The following ACER3 variants were observed in gnomAD, a reference collection of about 807,000 sequenced individuals.
ACER3 encodes the protein alkaline ceramidase 3, also known as alkCDase 3.
Under a neutral mutation model 48.9 loss-of-function variants are expected in ACER3, and 16 were observed. The observed-to-expected ratio is 0.33, with a 90% confidence interval of 0.22 to 0.50. ACER3 has a LOEUF of 0.50. Among genes scored for constraint, ACER3 ranks in the 20% least tolerant of loss-of-function variants. The pLI is 0.98. For missense variants in ACER3, 227 were observed against 326.0 expected, an observed-to-expected ratio of 0.70 and a Z score of 2.34; for synonymous variants, 109 against 107.8, an observed-to-expected ratio of 1.01 and a Z score of -0.07.
At chr11:76,874,257 C>G (rs117544471) in intron 1 of ACER3, among the ~76,000 whole-genome samples, 369 of 152,202 alleles carry the variant, frequency 2.4e-3, no homozygotes, top group Non-Finnish European at 4.5e-3. Flanking sequence ...TATCAAATAT[C>G]ATTTTTCTCA....
chr11:76,964,953 G>C (rs933444642), intron 3 of ACER3, among the ~76,000 whole-genome samples: 2 of 151,358 alleles, frequency 1.3e-5, no homozygotes, highest in African/African-American at 2.5e-5. Flanking sequence ...GAACAAAGCT[G>C]GACGGAGAAT....
intron 2 of ACER3, among the ~76,000 whole-genome samples, chr11:76,932,360 G>A (rs1240697719): frequency 6.6e-6 from 1 of 152,104 alleles, no homozygotes; most frequent in Non-Finnish European, 1.5e-5. Flanking sequence ...GTAAGCTATA[G>A]TGAATCATGT....
rs1949517518 is a variant in ACER3 at position 77,024,272 on chromosome 11, C to CAAGAAAAAAAAAAAAA, written c.*3947_*3948insGAAAAAAAAAAAAAAA. ...TGGGCAACAGAGTGAGACCCTGTCT[C>CAAGAAAAAAAAAAAAA]AAAAAAAAAAAAAAAAAAAAAAAAA... is the stretch of plus-strand genomic sequence containing the variant. On this transcript the variant is annotated 3_prime_UTR_variant, in exon 11 of 11. Transcript: ENST00000532485. The CAAGAAAAAAAAAAAAA allele has an allele frequency of 1.9e-5, 1 of 53,902 alleles. No homozygotes were observed. Among genetic ancestry groups the CAAGAAAAAAAAAAAAA allele is most frequent in the Non-Finnish European group, 4.7e-5 (1 of 21,326 alleles). The allele number at this position is 53,902 out of a possible 1,614,324, so 3.3% of individuals were successfully genotyped here.
chr11:77,018,594 G>A (rs1949416731), intron 9 of ACER3, among the ~76,000 whole-genome samples: 1 of 152,260 alleles, frequency 6.6e-6, no homozygotes, highest in Non-Finnish European at 1.5e-5. Context: ...GCCAAGTTGT[G>A]AAGGCAAAGG....
chr11:76,897,045 C>T (rs919532603), intron 1 of ACER3, among the ~76,000 whole-genome samples: 2 of 152,120 alleles, frequency 1.3e-5, no homozygotes, highest in East Asian at 1.9e-4. Context: ...GCAACCTCCA[C>T]CTCCTGGGCT....
intron 1 of ACER3, among the ~76,000 whole-genome samples, chr11:76,915,704 A>G (rs1430788304): frequency 6.6e-6 from 1 of 152,222 alleles, no homozygotes; most frequent in African/African-American, 2.4e-5. Flanking sequence ...GGTTTCATTG[A>G]CTCACAGTTC....
At position 76,860,955 on chromosome 11, in the gene ACER3, GGGCGGC is replaced by G; in HGVS notation, c.-8_-3del. 1 of 1,509,338 alleles carries G rather than the reference GGGCGGC, an allele frequency of 6.6e-7. No homozygotes were observed. Among genetic ancestry groups the G allele is most frequent in the South Asian group, 1.2e-5 (1 of 82,132 alleles). 93.5% of individuals were successfully genotyped at this position (1,509,338 alleles called of 1,614,324 possible). On this transcript the variant is annotated 5_prime_UTR_variant, in exon 1 of 11. Transcript: ENST00000532485. ...ACCCGGCACAGTGAGCGGAGCGCCT[GGGCGGC>G]GGCGGCGGCGGCGTGATGGCTCCGG...
intron 9 of ACER3, among the ~76,000 whole-genome samples, chr11:77,019,057 G>T (rs1425854042): frequency 6.6e-6 from 1 of 152,252 alleles, no homozygotes. Flanking sequence ...TGGCTTCAAA[G>T]CTTCAAAGGA....
intron 4 of ACER3, among the ~76,000 whole-genome samples, chr11:76,977,728 C>T (rs977776628): frequency 1.3e-5 from 2 of 152,166 alleles, no homozygotes; most frequent in South Asian, 2.1e-4. Context: ...GTGGGAACCC[C>T]GTCCCCTACT....
At chr11:77,016,578 G>A (rs1555023368) in intron 8 of ACER3, 97 bp from the exon 9 acceptor site, 2 of 614,266 alleles carry the variant, frequency 3.3e-6, no homozygotes, top group Non-Finnish European at 2.8e-6. Context: ...AATAACTGCT[G>A]TTTTGAGAAT....
At chr11:76,982,080 G>A (rs1177173299) in intron 4 of ACER3, among the ~76,000 whole-genome samples, 3 of 151,914 alleles carry the variant, frequency 2.0e-5, no homozygotes, top group Non-Finnish European at 4.4e-5. Context: ...TCATTCTAGT[G>A]AGTATGATAT....
chr11:76,877,195 AG>A (rs911328568), intron 1 of ACER3, among the ~76,000 whole-genome samples: 9 of 152,312 alleles, frequency 5.9e-5, no homozygotes, highest in Admixed American at 2.0e-4. Flanking sequence ...TAAGTACCTC[AG>A]GGTTGAAATA....
rs138174843 is a variant in ACER3, at chr11:76,999,018, A to C, written c.497+197A>C. 1.3e-4 allele frequency among the ~76,000 whole-genome samples: 20 copies of C among 152,296 alleles called. No homozygotes were observed. In the East Asian group the frequency reaches 3.9e-3, roughly 29 times the overall value. On this transcript the variant is annotated intron_variant, in intron 7 of 10. Transcript: ENST00000532485. ...AAGTTGTTAATGGGCATCATGTGAA[A>C]ACTAGGGTTCCAAAATTAAAGACAT...
At chr11:76,982,366 G>A (rs1257669476) in intron 4 of ACER3, among the ~76,000 whole-genome samples, 2 of 151,626 alleles carry the variant, frequency 1.3e-5, no homozygotes, top group East Asian at 1.9e-4. Flanking sequence ...ACAGGCACCC[G>A]CCACCACCTC....
At chr11:76,975,200 T>C (rs527625961) in intron 3 of ACER3, among the ~76,000 whole-genome samples, 2 of 152,336 alleles carry the variant, frequency 1.3e-5, no homozygotes, top group South Asian at 4.1e-4. Context: ...CATGCTTTCA[T>C]TCCCTTAACC....
At chr11:76,994,180 G>A (rs1183143618) in intron 6 of ACER3, 5 of 450,028 alleles carry the variant, frequency 1.1e-5, no homozygotes, top group Admixed American at 9.5e-5. Context: ...CACCCCGGCT[G>A]AAGTGCAATG....
At chr11:76,902,185 C>G (rs1270386009) in intron 1 of ACER3, among the ~76,000 whole-genome samples, 1 of 152,114 alleles carries the variant, frequency 6.6e-6, no homozygotes, top group Non-Finnish European at 1.5e-5. Flanking sequence ...CTTCTCCTGC[C>G]ATCTTGACAT....
intron 10 of ACER3, 110 bp from the exon 11 acceptor site, chr11:77,020,164 A>G: frequency 8.8e-7 from 1 of 1,131,952 alleles, no homozygotes; most frequent in Non-Finnish European, 1.3e-6. Flanking sequence ...GACAATCACT[A>G]GCAAACCTAC....
intron 2 of ACER3, among the ~76,000 whole-genome samples, chr11:76,942,068 T>G (rs1289593329): frequency 6.6e-6 from 1 of 152,078 alleles, no homozygotes; most frequent in Non-Finnish European, 1.5e-5. Flanking sequence ...GTTTTTTTGG[T>G]GGAGTCTTTA....
Sources: gnomAD v4.1 joint callset for allele counts (sites outside exome capture counted in the v4.1 genomes callset) on GRCh38, gnomAD v4.1.1 for gene constraint, MANE v1.5 for transcripts, NCBI Gene and HGNC (gene_info 2026-07-23, HGNC 2026-07-21) for gene names.